The following RSF1 variants were observed in gnomAD, a reference collection of about 807,000 sequenced individuals.
RSF1 encodes the protein HBV pX-associated protein 8.
In RSF1, 13 loss-of-function variants were observed where a neutral mutation model predicts 145.2. That is an observed-to-expected ratio of 0.09 (90% CI 0.06 to 0.14). RSF1 has a LOEUF of 0.14. Ranked by LOEUF, RSF1 falls within the 10% of genes least tolerant of loss-of-function variation. The pLI is 1.00. For missense variants in RSF1, 1,517 were observed against 1,718.2 expected, an observed-to-expected ratio of 0.88 and a Z score of 2.07; for synonymous variants, 577 against 592.6, an observed-to-expected ratio of 0.97 and a Z score of 0.38.
rs141555749 is a variant in RSF1 at position 77,701,710 on chromosome 11, C to A, written c.1519G>T (p.Ala507Ser). 3 of 1,613,538 alleles carry A rather than the reference C, an allele frequency of 1.9e-6. No homozygotes were observed. In the East Asian group the frequency reaches 6.7e-5, roughly 36 times the overall value. ...MKTGELEKET[A>S]PLRKDADSSI... ...CTATCTGCATCTTTCCTCAAAGGGG[C>A]TGTTTCTTTCTCAAGCTCACCTGTT... The change falls in exon 6 of 16, where the codon GCC (alanine) becomes TCC (serine). Residue 507 changes from alanine to serine, a missense_variant. Ala to Ser is a moderately conservative substitution (Grantham distance 99). Transcript: ENST00000308488.
At chr11:77,850,186 C>A in the RSF1 span, among the ~76,000 whole-genome samples, 1 of 152,048 alleles carries the variant, frequency 6.6e-6, no homozygotes, top group South Asian at 2.1e-4. Flanking sequence ...AAGGACAGAG[C>A]AGATTTTGTA....
chr11:77,840,921 A>C, the RSF1 span: 1 of 398,176 alleles, frequency 2.5e-6, no homozygotes, highest in African/African-American at 2.0e-5. Flanking sequence ...TAAATGTCTT[A>C]ATCCATTTTG....
chr11:77,798,611 A>C (rs1005369103), intron 1 of RSF1, among the ~76,000 whole-genome samples: 2 of 143,262 alleles, frequency 1.4e-5, no homozygotes, highest in African/African-American at 5.4e-5. Flanking sequence ...AAAAAAAAAA[A>C]AAAAAAAAAA....
chr11:77,829,903 C>G, the RSF1 span: 2 of 152,012 alleles, frequency 1.3e-5, no homozygotes, highest in African/African-American at 4.8e-5. Flanking sequence ...AGACCAAGGC[C>G]GGAGGATCAC....
At chr11:77,685,291 G>A (rs1019655280) in intron 9 of RSF1, 132 bp from the exon 10 acceptor site, 6 of 460,218 alleles carry the variant, frequency 1.3e-5, no homozygotes, top group Admixed American at 4.3e-5. Flanking sequence ...AGAAATGTTA[G>A]CTATTATTTA....
chr11:77,685,726 TAAGAC>T (rs1007232209), intron 9 of RSF1, among the ~76,000 whole-genome samples: 3 of 152,172 alleles, frequency 2.0e-5, no homozygotes, highest in African/African-American at 4.8e-5. Context: ...ATAACTGAAA[TAAGAC>T]AAGCAACTTC....
At chr11:77,759,552 C>T (rs768120527) in intron 2 of RSF1, among the ~76,000 whole-genome samples, 3 of 152,080 alleles carry the variant, frequency 2.0e-5, no homozygotes, top group East Asian at 1.9e-4. Flanking sequence ...GGCATGGTGG[C>T]GTGTGCCTGT....
chr11:77,725,487 G>C (rs1172323748), intron 5 of RSF1, 58 bp downstream of exon 5: 4 of 1,295,438 alleles, frequency 3.1e-6, no homozygotes, highest in Non-Finnish European at 4.1e-6. Context: ...GGGAAGAGGA[G>C]TGGAAGAATA....
intron 1 of RSF1, among the ~76,000 whole-genome samples, chr11:77,809,822 T>A (rs933634734): frequency 6.6e-6 from 1 of 152,252 alleles, no homozygotes; most frequent in African/African-American, 2.4e-5. Context: ...TTAGAATGGA[T>A]TATTTGGAAT....
chr11:77,660,451 G>C lies in RSF1; in HGVS notation c.*6466C>G, dbSNP rs1006519589. The stretch of plus-strand genomic sequence containing the variant: ...CACATGCAGTACATTATGTGACAGA[G>C]AGCACTCCAGCTTCTATTTGACTAA... On this transcript the variant is annotated 3_prime_UTR_variant, in exon 16 of 16. Transcript: ENST00000308488. The C allele has an allele frequency of 1.4e-5, 2 of 148,058 alleles. No homozygotes were observed. The highest frequency in any genetic ancestry group is 3.0e-5 in the Non-Finnish European group (2 of 67,330). 9.2% of individuals were successfully genotyped at this position (148,058 alleles called of 1,614,324 possible).
the RSF1 span, among the ~76,000 whole-genome samples, chr11:77,828,038 C>T: frequency 4.6e-5 from 7 of 152,132 alleles, no homozygotes; most frequent in Non-Finnish European, 5.9e-5. Flanking sequence ...CTTTGGGAGG[C>T]GAGGTAGGTG....
the RSF1 span, among the ~76,000 whole-genome samples, chr11:77,832,350 G>A: frequency 1.3e-5 from 2 of 150,588 alleles, no homozygotes; most frequent in Non-Finnish European, 3.0e-5. Flanking sequence ...TTTTGAGACG[G>A]CGTTTCGCTC....
At chr11:77,699,330 C>T (rs1242988149) in intron 6 of RSF1, among the ~76,000 whole-genome samples, 1 of 152,012 alleles carries the variant, frequency 6.6e-6, no homozygotes, top group African/African-American at 2.4e-5. Context: ...CTTTTTATTG[C>T]GTAGTTTTAT....
intron 2 of RSF1, among the ~76,000 whole-genome samples, chr11:77,753,042 C>T (rs1948080074): frequency 6.6e-6 from 1 of 152,198 alleles, no homozygotes; most frequent in South Asian, 2.1e-4. Context: ...GAATAATCCA[C>T]CCTTTGTTTA....
At chr11:77,670,424 T>C (rs1289358163) in intron 15 of RSF1, among the ~76,000 whole-genome samples, 1 of 152,242 alleles carries the variant, frequency 6.6e-6, no homozygotes, top group African/African-American at 2.4e-5. Context: ...TAGTATATTA[T>C]CTGAAATTCA....
At chr11:77,742,754 G>T (rs148094817) in intron 3 of RSF1, among the ~76,000 whole-genome samples, 1 of 152,114 alleles carries the variant, frequency 6.6e-6, no homozygotes, top group Non-Finnish European at 1.5e-5. Flanking sequence ...CATTTCCTAC[G>T]TCTTTTTCTG....
intron 5 of RSF1, chr11:77,717,743 C>T (rs1038819170): frequency 1.3e-5 from 2 of 152,026 alleles, no homozygotes; most frequent in African/African-American, 4.8e-5. Flanking sequence ...CAAAAAAGTC[C>T]CTAGATAACG....
At chr11:77,686,509 G>T (rs977688597) in intron 9 of RSF1, among the ~76,000 whole-genome samples, 4 of 147,600 alleles carry the variant, frequency 2.7e-5, no homozygotes, top group Non-Finnish European at 5.9e-5. Flanking sequence ...ATGTTAAATT[G>T]AACTGAACTG....
rs746238291 is a variant in RSF1, at chr11:77,734,775, C to G, written c.578+5956G>C. ...CATCACAGTCTGGTTTTTTGATATC[C>G]TGAAGGAAGATTCGGCCACCTCGTT... On this transcript the variant is annotated intron_variant, in intron 4 of 15. Coordinates refer to ENST00000308488, the MANE Select transcript of RSF1 (RefSeq NM_016578.4). 45 of 1,591,674 alleles carry G rather than the reference C, an allele frequency of 2.8e-5. 1 individual carries two copies. The highest frequency in any genetic ancestry group is 3.7e-5 in the Non-Finnish European group (43 of 1,172,816).
Sources: gnomAD v4.1 joint callset for allele counts (sites outside exome capture counted in the v4.1 genomes callset) on GRCh38, gnomAD v4.1.1 for gene constraint, MANE v1.5 for transcripts, NCBI Gene and HGNC (gene_info 2026-07-23, HGNC 2026-07-21) for gene names.